The following CCDC102B variants were observed in gnomAD, a reference collection of about 807,000 sequenced individuals.
CCDC102B encodes the protein coiled-coil domain-containing protein 102B.
A neutral mutation model predicts 57.4 loss-of-function variants in CCDC102B; 75 were observed. The ratio of observed to expected loss-of-function variants is 1.31; its 90% confidence interval spans 1.08 to 1.58. CCDC102B has a LOEUF of 1.58. Among genes scored for constraint, CCDC102B ranks in the 40% most tolerant of loss-of-function variants. The pLI is 0.00. For synonymous variants in CCDC102B, 206 were observed against 201.9 expected (o/e 1.02, Z -0.17); for missense variants, 636 against 582.6 (o/e 1.09, Z -0.94).
rs530876442 is a variant in CCDC102B, at chr18:68,720,859, G to A, written c.-67+4265G>A. ...AAGGCTAGGCAGAGGGTGGCTTGAG[G>A]TCAGGAGTTCGAGATCAGCCTGGGC... On this transcript the variant is annotated intron_variant, in intron 2 of 3. Coordinates refer to the CCDC102B transcript ENST00000578970. Among the ~76,000 whole-genome samples the A allele has an allele frequency of 3.3e-5, 5 of 152,260 alleles. No homozygotes were observed. In the South Asian group the frequency reaches 1.0e-3, roughly 32 times the overall value.
chr18:68,922,438 G>A (rs1047443880), intron 6 of CCDC102B, among the ~76,000 whole-genome samples: 1 of 152,174 alleles, frequency 6.6e-6, no homozygotes, highest in African/African-American at 2.4e-5. Flanking sequence ...CATATTTGCA[G>A]ATTCAATAGC....
chr18:68,896,441 G>A (rs892995466), intron 5 of CCDC102B, among the ~76,000 whole-genome samples: 4 of 151,898 alleles, frequency 2.6e-5, no homozygotes, highest in African/African-American at 9.7e-5. Context: ...ACCATGGGAA[G>A]AGGGCAGAGG....
intron 6 of CCDC102B, among the ~76,000 whole-genome samples, chr18:68,984,742 A>G (rs1280626791): frequency 6.6e-6 from 1 of 152,254 alleles, no homozygotes; most frequent in Admixed American, 6.5e-5. Flanking sequence ...ACAGAGTGAG[A>G]GATAAAACTT....
At position 68,897,379 on chromosome 18, in the gene CCDC102B, A is replaced by G; in HGVS notation, c.1214A>G (p.Gln405Arg). Residue 405 changes from glutamine to arginine, a missense_variant, in exon 6 of 8, where the codon CAA becomes CGA. Coordinates refer to ENST00000360242, the MANE Select transcript of CCDC102B (RefSeq NM_024781.3). ...AAAAATAGATTAAGTGCAAACTCTC[A>G]AAGTCCTGATTTCAAGATGTCACAA... ...DKKNRLSANS[Q>R]SPDFKMSQID... is the part of the protein sequence containing the mutation. 1.9e-6 allele frequency: 3 copies of G among 1,612,678 alleles called. No individual in the cohort carries two copies. The highest frequency in any genetic ancestry group is 2.5e-6 in the Non-Finnish European group (3 of 1,179,192).
chr18:68,872,502 T>A (rs1033052934), intron 4 of CCDC102B, among the ~76,000 whole-genome samples: 1 of 152,138 alleles, frequency 6.6e-6, no homozygotes, highest in Non-Finnish European at 1.5e-5. Context: ...TTTATGAGTC[T>A]AATATATTCT....
rs542713281 is a variant in CCDC102B at position 68,918,283 on chromosome 18, T to G, written c.1263+20855T>G. On this transcript the variant is annotated intron_variant, in intron 6 of 7. Transcript: ENST00000360242. Reference sequence around the variant, plus strand: ...TCTTATAAATCTTAGATGATTTTTGTTTTAGGGCCCCTGGTATCTCTATTC... The same window carrying G: ...TCTTATAAATCTTAGATGATTTTTGGTTTAGGGCCCCTGGTATCTCTATTC... Among the ~76,000 whole-genome samples, 14 of 152,318 alleles carry G rather than the reference T, an allele frequency of 9.2e-5. No homozygotes were observed. In the South Asian group the frequency reaches 2.7e-3, roughly 29 times the overall value.
At chr18:68,848,873 G>A (rs2037992949) in intron 4 of CCDC102B, among the ~76,000 whole-genome samples, 1 of 152,028 alleles carries the variant, frequency 6.6e-6, no homozygotes, top group South Asian at 2.1e-4. Flanking sequence ...TTTGCCACAT[G>A]TGAGAATACT....
intron 3 of CCDC102B, among the ~76,000 whole-genome samples, chr18:68,840,987 T>A (rs1011973398): frequency 9.2e-5 from 14 of 152,200 alleles, no homozygotes; most frequent in Admixed American, 9.2e-4. Flanking sequence ...TGGCTTTGTC[T>A]TCCTACTCTC....
At chr18:68,889,296 C>T (rs957216369) in intron 5 of CCDC102B, among the ~76,000 whole-genome samples, 1 of 152,162 alleles carries the variant, frequency 6.6e-6, no homozygotes, top group African/African-American at 2.4e-5. Context: ...CCTTCCAACA[C>T]GTGAAGACAC....
chr18:69,046,252 G>A (rs949958017), intron 7 of CCDC102B, among the ~76,000 whole-genome samples: 5 of 152,018 alleles, frequency 3.3e-5, no homozygotes, highest in Admixed American at 6.6e-5. Context: ...CTGCAACCTC[G>A]CCAGCATCTA....
chr18:68,984,669 C>T (rs1401650402), intron 6 of CCDC102B, among the ~76,000 whole-genome samples: 1 of 151,974 alleles, frequency 6.6e-6, no homozygotes, highest in Non-Finnish European at 1.5e-5. Context: ...CTTATTATTC[C>T]AATTTTATTT....
intron 1 of CCDC102B, among the ~76,000 whole-genome samples, chr18:68,818,186 G>A (rs2036560948): frequency 6.6e-6 from 1 of 150,892 alleles, no homozygotes; most frequent in Non-Finnish European, 1.5e-5. Context: ...AACTTGCTGA[G>A]AACTGTGAAT....
intron 4 of CCDC102B, among the ~76,000 whole-genome samples, chr18:68,855,149 G>A (rs890365444): frequency 3.9e-5 from 6 of 152,126 alleles, no homozygotes; most frequent in Non-Finnish European, 7.4e-5. Flanking sequence ...AAAGTAAGCA[G>A]CATCACATGT....
At chr18:68,992,373 G>A (rs574119188) in intron 6 of CCDC102B, among the ~76,000 whole-genome samples, 1 of 152,250 alleles carries the variant, frequency 6.6e-6, no homozygotes, top group African/African-American at 2.4e-5. Context: ...TCTCTTAAGT[G>A]ATCTCCGTTG....
At chr18:68,905,946 A>G (rs1370960998) in intron 6 of CCDC102B, among the ~76,000 whole-genome samples, 1 of 151,712 alleles carries the variant, frequency 6.6e-6, no homozygotes, top group Non-Finnish European at 1.5e-5. Context: ...GGCGCCCGCC[A>G]CCACGCCCGG....
intron 7 of CCDC102B, among the ~76,000 whole-genome samples, chr18:69,038,125 T>C (rs147187543): frequency 1.2e-4 from 19 of 152,066 alleles, no homozygotes; most frequent in African/African-American, 4.1e-4. Flanking sequence ...TTTTTATATA[T>C]AATAATTTTT....
At chr18:68,789,905 T>A (rs1314596523) in intron 2 of CCDC102B, among the ~76,000 whole-genome samples, 1 of 152,086 alleles carries the variant, frequency 6.6e-6, no homozygotes, top group Non-Finnish European at 1.5e-5. Context: ...GGAGAGGTTC[T>A]CTGCTTTTTA....
intron 2 of CCDC102B, among the ~76,000 whole-genome samples, chr18:68,758,697 T>C (rs1248887979): frequency 2.0e-5 from 3 of 150,034 alleles, no homozygotes; most frequent in Non-Finnish European, 3.0e-5. Flanking sequence ...TTAAAACTAG[T>C]CATTCCTTTT....
intron 6 of CCDC102B, among the ~76,000 whole-genome samples, chr18:68,919,278 T>G (rs2041187826): frequency 6.6e-6 from 1 of 152,120 alleles, no homozygotes. Context: ...ATACACTGAA[T>G]ATATACTCAG....
Sources: gnomAD v4.1 joint callset for allele counts (sites outside exome capture counted in the v4.1 genomes callset) on GRCh38, gnomAD v4.1.1 for gene constraint, MANE v1.5 for transcripts, NCBI Gene and HGNC (gene_info 2026-07-23, HGNC 2026-07-21) for gene names.